The following CDH12 variants were observed in gnomAD, a reference collection of about 807,000 sequenced individuals.
The protein encoded by CDH12 is cadherin-12.
Under a neutral mutation model 74.1 loss-of-function variants are expected in CDH12, and 41 were observed. The ratio of observed to expected loss-of-function variants is 0.55; its 90% confidence interval spans 0.43 to 0.72. The LOEUF (loss-of-function observed/expected upper bound fraction) is 0.72, where lower values mean the gene tolerates loss of function less well. CDH12 is among the 30% of genes least tolerant of loss of function. The probability of loss-of-function intolerance (pLI) is 0.00; values close to 1 mark genes in which losing one functional copy is unlikely to be tolerated. For missense variants in CDH12, 945 were observed against 977.2 expected (o/e 0.97, Z 0.44); for synonymous variants, 399 against 355.0 (o/e 1.12, Z -1.39).
chr5:22,451,829 A>C (rs1745055762), intron 2 of CDH12, among the ~76,000 whole-genome samples: 1 of 151,888 alleles, frequency 6.6e-6, no homozygotes, highest in Non-Finnish European at 1.5e-5. Context: ...AGACTCCACC[A>C]ATGAAGTAGT....
chr5:22,594,278 A>G (rs1488031815), intron 1 of CDH12, among the ~76,000 whole-genome samples: 2 of 152,198 alleles, frequency 1.3e-5, no homozygotes, highest in African/African-American at 4.8e-5. Context: ...GGCTTCTCAA[A>G]GACAGCATGC....
At chr5:22,296,897 G>C (rs1737648531) in intron 3 of CDH12, among the ~76,000 whole-genome samples, 1 of 152,036 alleles carries the variant, frequency 6.6e-6, no homozygotes, top group African/African-American at 2.4e-5. Context: ...ACACAGAAGG[G>C]AAAAATATCT....
intron 2 of CDH12, among the ~76,000 whole-genome samples, chr5:22,430,321 A>AT (rs2126518627): frequency 6.6e-6 from 1 of 152,174 alleles, no homozygotes; most frequent in East Asian, 1.9e-4. Context: ...AGATAAAAGA[A>AT]TTTTTGGTGA....
intron 9 of CDH12, among the ~76,000 whole-genome samples, chr5:21,808,054 T>C (rs1018323553): frequency 1.5e-4 from 23 of 152,060 alleles, no homozygotes; most frequent in African/African-American, 5.6e-4. Context: ...CTGTGGGAAC[T>C]GAAACCTGAT....
At position 22,663,666 on chromosome 5, in the gene CDH12, A is replaced by G. The variant is rs546477968; in HGVS notation, c.-522-158302T>C. Among the ~76,000 whole-genome samples the G allele has an allele frequency of 1.3e-3, 202 of 152,248 alleles. 2 individuals carry two copies. The highest frequency in any genetic ancestry group is 9.6e-4 in the Non-Finnish European group (65 of 67,998). On this transcript the variant is annotated intron_variant, in intron 1 of 14. Transcript: ENST00000382254. ...ATTTTAATAAACTTGGCTGATTTAA[A>G]ATATTCAGTAAAATGACAGTTTATC...
At chr5:22,850,131 A>T (rs943529360) in intron 1 of CDH12, among the ~76,000 whole-genome samples, 3 of 152,110 alleles carry the variant, frequency 2.0e-5, no homozygotes, top group African/African-American at 4.8e-5. Context: ...TAGAACAGTC[A>T]TAACTCTCAC....
chr5:21,933,054 T>C (rs989727645), intron 6 of CDH12, among the ~76,000 whole-genome samples: 4 of 151,602 alleles, frequency 2.6e-5, no homozygotes, highest in African/African-American at 9.7e-5. Flanking sequence ...CAAGCTATCA[T>C]CGATATTCAT....
chr5:22,218,172 A>G (rs1751887191), intron 3 of CDH12, among the ~76,000 whole-genome samples: 1 of 151,780 alleles, frequency 6.6e-6, no homozygotes, highest in Non-Finnish European at 1.5e-5. Context: ...AATCACTCTA[A>G]AATACATTGT....
Position 22,723,273 on chromosome 5 carries a change from T to A in CDH12, c.-523+129785A>T, listed in dbSNP as rs115208330. Among the ~76,000 whole-genome samples, 1,379 of 152,246 alleles carry A rather than the reference T, an allele frequency of 9.1e-3. 7 individuals are homozygous for A. The highest frequency in any genetic ancestry group is 0.016 in the Non-Finnish European group (1,086 of 68,002). On this transcript the variant is annotated intron_variant, in intron 1 of 14. Transcript: ENST00000382254. ...CTTCTTCACACATCCCTCATTCAAA[T>A]ACACATCACCATGTCAGTTTTACAC... is the stretch of plus-strand genomic sequence containing the variant.
intron 6 of CDH12, among the ~76,000 whole-genome samples, chr5:21,917,242 G>T (rs1266606573): frequency 1.3e-5 from 2 of 152,134 alleles, no homozygotes; most frequent in South Asian, 4.1e-4. Flanking sequence ...GGCACCAATG[G>T]GCTCTGACCT....
At chr5:22,805,140 A>G (rs1246078616) in intron 1 of CDH12, among the ~76,000 whole-genome samples, 2 of 152,200 alleles carry the variant, frequency 1.3e-5, no homozygotes, top group Admixed American at 6.5e-5. Flanking sequence ...TCACCTCTAG[A>G]GAATCCTTGC....
At chr5:22,187,941 C>T (rs946030626) in intron 4 of CDH12, among the ~76,000 whole-genome samples, 3 of 152,046 alleles carry the variant, frequency 2.0e-5, no homozygotes, top group South Asian at 2.1e-4. Flanking sequence ...TTAAACCATG[C>T]GTAATTAATG....
intron 1 of CDH12, among the ~76,000 whole-genome samples, chr5:22,672,381 T>A (rs189541416): frequency 6.6e-6 from 1 of 151,892 alleles, no homozygotes; most frequent in African/African-American, 2.4e-5. Context: ...TGTAATAGTA[T>A]TAAGAGGTAG....
intron 1 of CDH12, among the ~76,000 whole-genome samples, chr5:22,648,536 T>G (rs931324750): frequency 6.6e-6 from 1 of 151,852 alleles, no homozygotes; most frequent in Non-Finnish European, 1.5e-5. Context: ...CTAGGAGATA[T>G]CTAAGTTCTC....
At chr5:21,919,107 T>A (rs926524772) in intron 6 of CDH12, among the ~76,000 whole-genome samples, 1 of 152,198 alleles carries the variant, frequency 6.6e-6, no homozygotes. Context: ...GATGGACTGA[T>A]AATAACTGCA....
At chr5:21,979,165 G>C (rs1757200046) in intron 5 of CDH12, among the ~76,000 whole-genome samples, 1 of 152,080 alleles carries the variant, frequency 6.6e-6, no homozygotes, top group Non-Finnish European at 1.5e-5. Flanking sequence ...AAAACTAACA[G>C]CTAGAAATAT....
intron 3 of CDH12, among the ~76,000 whole-genome samples, chr5:22,378,464 G>A (rs1209073495): frequency 2.0e-5 from 3 of 151,998 alleles, no homozygotes; most frequent in Non-Finnish European, 4.4e-5. Flanking sequence ...AACAAAAGTA[G>A]TTGTGATAAG....
At chr5:22,535,029 GT>G (rs1458619786) in intron 1 of CDH12, among the ~76,000 whole-genome samples, 2 of 147,586 alleles carry the variant, frequency 1.4e-5, no homozygotes, top group African/African-American at 5.0e-5. Flanking sequence ...CTGGAGTGCA[GT>G]GGCCCGTCTC....
intron 3 of CDH12, among the ~76,000 whole-genome samples, chr5:22,244,320 T>G (rs1381225479): frequency 1.3e-5 from 2 of 151,482 alleles, no homozygotes; most frequent in African/African-American, 4.8e-5. Flanking sequence ...TGAAACCCTT[T>G]CTCTCATAAA....
Sources: gnomAD v4.1 joint callset for allele counts (sites outside exome capture counted in the v4.1 genomes callset) on GRCh38, gnomAD v4.1.1 for gene constraint, MANE v1.5 for transcripts, NCBI Gene and HGNC (gene_info 2026-07-23, HGNC 2026-07-21) for gene names.